The following IRX2 variants were observed in gnomAD, a reference collection of about 807,000 sequenced individuals.
IRX2 encodes iroquois homeobox 2.
In IRX2, 26 loss-of-function variants were observed where a neutral mutation model predicts 42.9. That is an observed-to-expected ratio of 0.61 (90% CI 0.44 to 0.84). The LOEUF is 0.84. Ranked by LOEUF, IRX2 falls within the 40% of genes least tolerant of loss-of-function variation. The pLI, the probability that IRX2 is intolerant of heterozygous loss-of-function variation, is 0.00. For synonymous variants in IRX2, 424 were observed against 353.9 expected (o/e 1.20, Z -2.22); for missense variants, 782 against 713.9 (o/e 1.10, Z -1.09).
At chr5:2,736,281 A>G in the IRX2 span, among the ~76,000 whole-genome samples, 1 of 152,150 alleles carries the variant, frequency 6.6e-6, no homozygotes, top group Non-Finnish European at 1.5e-5. Context: ...CCCTGAGTTC[A>G]CACCTGGGAT....
At chr5:2,742,861 T>C (rs1414218812), downstream of IRX2, among the ~76,000 whole-genome samples, 1 of 152,216 alleles carries the variant, frequency 6.6e-6, no homozygotes, top group East Asian at 1.9e-4. Context: ...TAGTTTAGTA[T>C]GTACATTCAC....
Position 2,751,523 on chromosome 5 carries a change from C to CGCGGCG in IRX2, c.-111_-110insCGCCGC. On this transcript the variant is annotated 5_prime_UTR_variant, in exon 1 of 4. Transcript: ENST00000302057. This position sits in a 1 kb window ranked among gnomAD's most constrained non-coding sequence, Gnocchi z 4.0. ...GGCGCGGCGGCGGGCACCCGGACGG[C>CGCGGCG]CGGCGGAGGCAGGCCGGCCCGGGTA... 1 of 769,406 alleles carries CGCGGCG rather than the reference C, an allele frequency of 1.3e-6. No individual in the cohort carries two copies. Among genetic ancestry groups the CGCGGCG allele is most frequent in the Non-Finnish European group, 1.6e-6 (1 of 636,900 alleles). The allele number at this position is 769,406 out of a possible 1,614,324, so 47.7% of individuals were successfully genotyped here.
In IRX2 at chr5:2,747,241, CACATGTACTATATATAT is replaced by C. The variant is rs1396471386; in HGVS notation, c.*306_*322del. On this transcript the variant is annotated 3_prime_UTR_variant, in exon 4 of 4. Transcript: ENST00000302057. The stretch of plus-strand genomic sequence containing the variant: ...AACAGTAGTGTGTAATATATATATA[CACATGTACTATATATAT>C]ACATGTACTATATATATACATATAT... 1.2e-4 allele frequency: 20 copies of C among 163,826 alleles called. No individual in the cohort carries two copies. In the East Asian group the frequency reaches 2.1e-3, roughly 17 times the overall value. 10.1% of individuals were successfully genotyped at this position (163,826 alleles called of 1,614,324 possible).
chr5:2,745,295 G>A (rs1737634323), downstream of IRX2, among the ~76,000 whole-genome samples: 1 of 152,026 alleles, frequency 6.6e-6, no homozygotes, highest in Non-Finnish European at 1.5e-5. Flanking sequence ...AATCTAAGAA[G>A]CTATTATTCT....
the IRX2 span, among the ~76,000 whole-genome samples, chr5:2,739,462 G>C: frequency 7.2e-5 from 11 of 152,340 alleles, no homozygotes; most frequent in South Asian, 6.2e-4. Context: ...TGGGCAGGCC[G>C]GCCTGGGGCT....
At chr5:2,739,450 G>C in the IRX2 span, among the ~76,000 whole-genome samples, 4 of 152,236 alleles carry the variant, frequency 2.6e-5, no homozygotes, top group African/African-American at 4.8e-5. Context: ...GTGGAAAAGC[G>C]CTGGGCAGGC....
Position 2,748,397 on chromosome 5 carries a change from G to T in IRX2, c.1311C>A (p.His437Gln). The T allele has an allele frequency of 6.7e-7, 1 of 1,485,138 alleles. No homozygotes were observed. The highest frequency in any genetic ancestry group is 1.3e-5 in the South Asian group (1 of 77,522). The allele number at this position is 1,485,138 out of a possible 1,614,324, so 92.0% of individuals were successfully genotyped here. A position where few individuals can be genotyped will look rare whatever the true frequency, so the allele number is the denominator to read the frequency against. Residue 437 changes from histidine to glutamine, a missense_variant, in exon 3 of 4, where the codon CAC becomes CAA. His to Gln is a conservative substitution (Grantham distance 24). Transcript: ENST00000302057. ...AASDAGKAGA[H>Q]PLESHYRSPG... ...GGGACCGGTAGTGGGACTCGAGCGG[G>T]TGCGCGCCCGCCTTGCCCGCGTCGC...
the IRX2 span, among the ~76,000 whole-genome samples, chr5:2,735,915 G>A: frequency 7.9e-4 from 121 of 152,270 alleles, no homozygotes; most frequent in African/African-American, 1.7e-3. Context: ...GTGCTGCACC[G>A]AGGTTAAAAT....
chr5:2,751,204 G>C lies in IRX2; in HGVS notation c.210C>G (p.Ala70=). 2.3e-6 allele frequency: 3 copies of C among 1,279,922 alleles called. No individual in the cohort carries two copies. The highest frequency in any genetic ancestry group is 3.0e-6 in the Non-Finnish European group (3 of 1,015,446). 79.3% of individuals were successfully genotyped at this position (1,279,922 alleles called of 1,614,324 possible). The change falls in exon 1 of 4, where the codon GCC becomes GCG. Residue 70 remains alanine (A), a synonymous_variant. Transcript: ENST00000302057. The surrounding 1 kb of genome is among the most constrained non-coding windows in gnomAD (Gnocchi z 4.0). ...TGFGSPLQYS[A]DAAAAAAGFP... ...AGCCGGCGGCGGCGGCGGCGGCGTC[G>C]GCCGAGTACTGCAGCGGGCTCCCGA...
rs139016898 is a variant in IRX2, at chr5:2,749,751, C to T, written c.286G>A (p.Gly96Ser). Residue 96 changes from glycine to serine, a missense_variant, in exon 2 of 4, where the codon GGC becomes AGC. This residue lies in a region of IRX2 where 256 missense variants were observed against 250.0 expected (regional missense o/e 1.02). Coordinates refer to ENST00000302057, the MANE Select transcript of IRX2 (RefSeq NM_033267.5). ...CCGTACGGGTGGTAGCTGATGGCGC[C>T]GGTCATGCCGGTGGTGTGCGCGTCG... Reference protein sequence around the residue: ...PYDAHTTGMTGAISYHPYGSA... With the variant: ...PYDAHTTGMTSAISYHPYGSA... 1.3e-4 allele frequency: 208 copies of T among 1,612,184 alleles called. No individual in the cohort carries two copies. In the African/African-American group the frequency reaches 1.9e-3, roughly 14 times the overall value.
chr5:2,749,120 CCT>C (rs945484903), intron 2 of IRX2, 68 bp from the exon 3 acceptor site: 123 of 1,550,624 alleles, frequency 7.9e-5, no homozygotes, highest in Non-Finnish European at 1.0e-4. Context: ...CCCTCCGCCC[CCT>C]GTCCTGCGGC....
rs984600046 is a variant in IRX2 at position 2,747,285 on chromosome 5, T to C, written c.*279A>G. ...CATGTACTATATATATACATATATATATTACACACACACACACACACATAT... is the reference window on the plus strand; with the variant it reads ...CATGTACTATATATATACATATATACATTACACACACACACACACACATAT... On this transcript the variant is annotated 3_prime_UTR_variant, in exon 4 of 4. Transcript: ENST00000302057. The C allele has an allele frequency of 4.4e-6, 1 of 226,234 alleles. No individual in the cohort carries two copies. Among genetic ancestry groups the C allele is most frequent in the Non-Finnish European group, 8.8e-6 (1 of 113,432 alleles). 14.0% of individuals were successfully genotyped at this position (226,234 alleles called of 1,614,324 possible). A position where few individuals can be genotyped will look rare whatever the true frequency, so the allele number is the denominator to read the frequency against.
chr5:2,738,789 C>G, the IRX2 span, among the ~76,000 whole-genome samples: 1 of 152,212 alleles, frequency 6.6e-6, no homozygotes. Flanking sequence ...AGGTGTGTGG[C>G]TCCAGAGACC....
In IRX2 at chr5:2,748,730, C is replaced by A; in HGVS notation, c.978G>T (p.Lys326Asn). ...TSPGAPPPAS[K>N]PKLWSLAEIA... Reference sequence around the variant, plus strand: ...TCTCGGCCAGCGACCACAGCTTGGGCTTGCTGGCGGGGGGCGGCGCGCCCG... The same window carrying A: ...TCTCGGCCAGCGACCACAGCTTGGGATTGCTGGCGGGGGGCGGCGCGCCCG... Residue 326 changes from lysine to asparagine, a missense_variant, in exon 3 of 4, where the codon AAG (lysine) becomes AAT (asparagine). By Grantham distance (94) the Lys-to-Asn change is moderately conservative. Around this residue, in one of 3 missense-constraint regions of IRX2, gnomAD observed 520 missense variants for 437.8 expected, o/e 1.19. Coordinates refer to ENST00000302057, the MANE Select transcript of IRX2 (RefSeq NM_033267.5). 1 of 1,382,058 alleles carries A rather than the reference C, an allele frequency of 7.2e-7. No homozygotes were observed. Among genetic ancestry groups the A allele is most frequent in the South Asian group, 1.7e-5 (1 of 60,224 alleles). The allele number at this position is 1,382,058 out of a possible 1,614,324, so 85.6% of individuals were successfully genotyped here. A position where few individuals can be genotyped will look rare whatever the true frequency, so the allele number is the denominator to read the frequency against.
At position 2,749,406 on chromosome 5, in the gene IRX2, T is replaced by A. The variant is rs1160326217; in HGVS notation, c.631A>T (p.Thr211Ser). The A allele has an allele frequency of 1.9e-6, 3 of 1,612,914 alleles. No individual in the cohort carries two copies. Among genetic ancestry groups the A allele is most frequent in the Non-Finnish European group, 8.5e-7 (1 of 1,179,640 alleles). ...DESPDKAQEG[T>S]ETSAEDEGIS... ...CCTTCGTCCTCTGCCGAGGTCTCCG[T>A]GCCCTCCTGCGCCTTGTCGGGACTC... Residue 211 changes from threonine to serine, a missense_variant, in exon 2 of 4, where the codon ACG becomes TCG. Physicochemically the swap from Thr to Ser is moderately conservative, Grantham distance 58 (BLOSUM62 1). Around this residue, in one of 3 missense-constraint regions of IRX2, gnomAD observed 520 missense variants for 437.8 expected, o/e 1.19. Transcript: ENST00000302057.
chr5:2,735,804 A>G, the IRX2 span, among the ~76,000 whole-genome samples: 1 of 152,220 alleles, frequency 6.6e-6, no homozygotes. Context: ...ACTGCTGATA[A>G]GATGCTCACC....
chr5:2,741,764 G>T (rs1737545894), downstream of IRX2, among the ~76,000 whole-genome samples: 1 of 152,088 alleles, frequency 6.6e-6, no homozygotes, highest in Non-Finnish European at 1.5e-5. Flanking sequence ...AGTCCGTATT[G>T]GAGGCAGCCC....
the IRX2 span, chr5:2,736,551 G>A: frequency 2.6e-5 from 4 of 152,106 alleles, 1 homozygote; most frequent in Middle Eastern, 9.5e-3. Flanking sequence ...CATTTGATTT[G>A]CTATCAATTT....
At position 2,747,361 on chromosome 5, in the gene IRX2, T is replaced by C; in HGVS notation, c.*203A>G. The stretch of plus-strand genomic sequence containing the variant: ...CTAGGTAAAGGAGTGATAGAACTTG[T>C]GCCAAAAAGAGGGAATCTATAAAAC... On this transcript the variant is annotated 3_prime_UTR_variant, in exon 4 of 4. Coordinates refer to ENST00000302057, the MANE Select transcript of IRX2 (RefSeq NM_033267.5). 1 of 485,316 alleles carries C rather than the reference T, an allele frequency of 2.1e-6. No individual in the cohort carries two copies. Among genetic ancestry groups the C allele is most frequent in the Non-Finnish European group, 3.7e-6 (1 of 267,366 alleles). The allele number at this position is 485,316 out of a possible 1,614,324, so 30.1% of individuals were successfully genotyped here.
Sources: gnomAD v4.1 joint callset for allele counts (sites outside exome capture counted in the v4.1 genomes callset) on GRCh38, gnomAD v4.1.1 for gene constraint, gnomAD v4.1.1 regional missense constraint, Gnocchi (gnomAD v3.1) non-coding constraint, MANE v1.5 for transcripts, NCBI Gene and HGNC (gene_info 2026-07-23, HGNC 2026-07-21) for gene names.